UFSP2: variants seen among roughly 807,000 people sequenced by gnomAD.
UFSP2 encodes the protein UFM1 specific peptidase 2, also known as ufm1-specific protease 2.
UFSP2 carries 43 observed loss-of-function variants against 60.2 expected under a neutral mutation model. The ratio of observed to expected loss-of-function variants is 0.71; its 90% confidence interval spans 0.56 to 0.92. UFSP2 has a LOEUF of 0.92. UFSP2 is among the 40% of genes least tolerant of loss of function. The pLI is 0.00. For missense variants in UFSP2, 520 were observed against 575.0 expected (o/e 0.90, Z 0.98); for synonymous variants, 183 against 195.1 (o/e 0.94, Z 0.52).
At chr4:185,417,801 T>C (rs2095541415) in intron 4 of UFSP2, among the ~76,000 whole-genome samples, 1 of 152,156 alleles carries the variant, frequency 6.6e-6, no homozygotes, top group African/African-American at 2.4e-5. Flanking sequence ...CCCAGCACTT[T>C]GGGAGCCTGA....
chr4:185,413,276 T>A (rs577756628), intron 7 of UFSP2, among the ~76,000 whole-genome samples: 150 of 152,278 alleles, frequency 9.9e-4, no homozygotes, highest in Middle Eastern at 3.4e-3. Context: ...TAACCCCAGC[T>A]GCTCAGGAGA....
intron 2 of UFSP2, among the ~76,000 whole-genome samples, chr4:185,420,206 A>G (rs936932442): frequency 6.6e-6 from 1 of 151,904 alleles, no homozygotes; most frequent in Non-Finnish European, 1.5e-5. Flanking sequence ...CTGTATGGTT[A>G]TGTCACCAAC....
rs71593625 is a variant in UFSP2 at position 185,418,047 on chromosome 4, A to ACACACACACACACACACAC, written c.333+393_333+394insGTGTGTGTGTGTGTGTGTG. Reference sequence around the variant, plus strand: ...TAAAAAGAGTGAAACTCCATCTCAAAACACACACACACACACACACAAACA... The same window carrying ACACACACACACACACACAC: ...TAAAAAGAGTGAAACTCCATCTCAAACACACACACACACACACACACACACACACACACACACACAAACA... On this transcript the variant is annotated intron_variant, in intron 4 of 11. Transcript: ENST00000264689. 2.8e-5 allele frequency among the ~76,000 whole-genome samples: 4 copies of ACACACACACACACACACAC among 143,062 alleles called. No individual in the cohort carries two copies. In the East Asian group the frequency reaches 8.1e-4, roughly 29 times the overall value. The allele number at this position is 143,062 out of a possible 152,430, so 93.9% of individuals were successfully genotyped here. A position where few individuals can be genotyped will look rare whatever the true frequency, so the allele number is the denominator to read the frequency against.
chr4:185,404,947 G>A (rs186183278), intron 10 of UFSP2, among the ~76,000 whole-genome samples: 4 of 151,832 alleles, frequency 2.6e-5, no homozygotes, highest in South Asian at 2.1e-4. Flanking sequence ...TACTGGGCCC[G>A]GCCTACTCAT....
chr4:185,408,153 T>A, intron 8 of UFSP2, 93 bp from the exon 9 acceptor site: 1 of 1,544,870 alleles, frequency 6.5e-7, no homozygotes, highest in Non-Finnish European at 8.9e-7. Context: ...GTACAAGAAT[T>A]TTTTTTTCTT....
In UFSP2 at chr4:185,415,632, TACCTACAGGATATACAA is replaced by T. The variant is rs921810650; in HGVS notation, c.491+61_491+77del. 5 of 1,266,316 alleles carry T rather than the reference TACCTACAGGATATACAA, an allele frequency of 3.9e-6. No homozygotes were observed. In the Admixed American group the frequency reaches 1.2e-4, roughly 30 times the overall value. The allele number at this position is 1,266,316 out of a possible 1,614,324, so 78.4% of individuals were successfully genotyped here. A position where few individuals can be genotyped will look rare whatever the true frequency, so the allele number is the denominator to read the frequency against. ...CAAGGAGAAAATCACACCTTAGGTA[TACCTACAGGATATACAA>T]ACATGGGTTTGGGGAAGGGCCCTCA... is the stretch of plus-strand genomic sequence containing the variant. On this transcript the variant is annotated intron_variant, in intron 5 of 11. Coordinates refer to ENST00000264689, the MANE Select transcript of UFSP2 (RefSeq NM_018359.5).
chr4:185,412,050 A>G (rs1018956491), intron 7 of UFSP2, among the ~76,000 whole-genome samples: 14 of 152,200 alleles, frequency 9.2e-5, no homozygotes, highest in African/African-American at 2.9e-4. Context: ...GTGGGTAGGG[A>G]AAGAGCACAG....
chr4:185,418,728 A>ATGAC lies in UFSP2; in HGVS notation c.124_125insGTCA (p.Leu42ArgfsTer5). 1 of 1,612,466 alleles carries ATGAC rather than the reference A, an allele frequency of 6.2e-7. No homozygotes were observed. The highest frequency in any genetic ancestry group is 8.5e-7 in the Non-Finnish European group (1 of 1,179,570). Reference sequence around the variant, plus strand: ...GGCGTTTGAAGACAGCTTAGTTGACAGGTCACTCAACACATGTTTCAGTGC... The same window carrying ATGAC: ...GGCGTTTGAAGACAGCTTAGTTGACATGACGGTCACTCAACACATGTTTCAGTGC... On this transcript the variant is annotated frameshift_variant, in exon 3 of 12. Transcript: ENST00000264689. LOFTEE classifies it high-confidence loss of function.
At chr4:185,407,611 G>C (rs1304540821) in intron 9 of UFSP2, among the ~76,000 whole-genome samples, 2 of 151,992 alleles carry the variant, frequency 1.3e-5, no homozygotes, top group Non-Finnish European at 2.9e-5. Flanking sequence ...TAAAAGATTG[G>C]AGCATAAAGA....
intron 2 of UFSP2, among the ~76,000 whole-genome samples, chr4:185,419,226 G>A (rs1252729036): frequency 6.6e-6 from 1 of 152,024 alleles, no homozygotes; most frequent in Non-Finnish European, 1.5e-5. Flanking sequence ...CCGCCTCCCG[G>A]GTTCACGCCA....
At position 185,399,549 on chromosome 4, in the gene UFSP2, C is replaced by G. The variant is rs1211732719; in HGVS notation, c.*843G>C. On this transcript the variant is annotated 3_prime_UTR_variant, in exon 12 of 12. Transcript: ENST00000264689. ...CTTAAGTTCAATGTTTCATTTCACT[C>G]CGTTTTTATCCTGTTTTCAGTTTAT... 2 of 1,612,222 alleles carry G rather than the reference C, an allele frequency of 1.2e-6. No individual in the cohort carries two copies. The highest frequency in any genetic ancestry group is 1.7e-5 in the Admixed American group (1 of 59,908).
chr4:185,411,162 A>AG (rs1401697666), intron 7 of UFSP2, among the ~76,000 whole-genome samples: 2 of 151,840 alleles, frequency 1.3e-5, no homozygotes, highest in Non-Finnish European at 2.9e-5. Flanking sequence ...AATGATATGA[A>AG]GAATGAAAAA....
chr4:185,415,737 G>C lies in UFSP2; in HGVS notation c.464C>G (p.Ser155Cys). 6.2e-7 allele frequency: 1 copy of C among 1,612,374 alleles called. No homozygotes were observed. Among genetic ancestry groups the C allele is most frequent in the Non-Finnish European group, 8.5e-7 (1 of 1,179,396 alleles). ...TCCCCATGTTTCTTCTGGAGCAACA[G>C]ATATAACTGCATCGACAGGTAAAGT... ...NMTLPVDAVI[S>C]VAPEETWGKV... The change falls in exon 5 of 12, where the codon TCT becomes TGT. Residue 155 changes from serine (S) to cysteine (C), a missense_variant. Transcript: ENST00000264689.
At chr4:185,418,194 G>T (rs1258479575) in intron 4 of UFSP2, among the ~76,000 whole-genome samples, 1 of 152,060 alleles carries the variant, frequency 6.6e-6, no homozygotes. Flanking sequence ...AATGTATTTA[G>T]GCTGTTTTAT....
intron 2 of UFSP2, 125 bp downstream of exon 2, chr4:185,422,360 T>C (rs2095550928): frequency 1.4e-6 from 1 of 730,184 alleles, no homozygotes; most frequent in Admixed American, 2.9e-5. Context: ...CCATTTAATG[T>C]ACTTACTAAC....
At chr4:185,421,374 C>T (rs1434564365) in intron 2 of UFSP2, among the ~76,000 whole-genome samples, 3 of 152,174 alleles carry the variant, frequency 2.0e-5, no homozygotes, top group Non-Finnish European at 4.4e-5. Flanking sequence ...AATGTGATCT[C>T]CAATGTTTGA....
chr4:185,422,515 C>G lies in UFSP2; in HGVS notation c.52G>C (p.Asp18His), dbSNP rs1315632392. 8 of 1,611,476 alleles carry G rather than the reference C, an allele frequency of 5.0e-6. No homozygotes were observed. The highest frequency in any genetic ancestry group is 5.9e-6 in the Non-Finnish European group (7 of 1,179,380). The change falls in exon 2 of 12, where the codon GAT becomes CAT. Residue 18 changes from aspartate (D) to histidine (H), a missense_variant. Coordinates refer to ENST00000264689, the MANE Select transcript of UFSP2 (RefSeq NM_018359.5). ...DILFRIRGGLDLAFQLATPNE... is the reference protein window; with the variant it reads ...DILFRIRGGLHLAFQLATPNE... ...GGAGTAGCTAGCTGAAAAGCCAAAT[C>G]AAGGCCTCCTCTTATTCTGAAGAGT...
chr4:185,405,708 TTAAA>T (rs2095519536), intron 10 of UFSP2, 68 bp downstream of exon 10: 24 of 1,502,132 alleles, frequency 1.6e-5, no homozygotes, highest in Non-Finnish European at 2.1e-5. Context: ...TTATGCAACA[TTAAA>T]TATTTATATC....
intron 7 of UFSP2, among the ~76,000 whole-genome samples, chr4:185,411,758 A>G (rs963478150): frequency 5.3e-5 from 8 of 152,236 alleles, no homozygotes; most frequent in Non-Finnish European, 7.3e-5. Context: ...TTCATTGTCT[A>G]AACAGCAAAA....
Sources: gnomAD v4.1 joint callset for allele counts (sites outside exome capture counted in the v4.1 genomes callset) on GRCh38, gnomAD v4.1.1 for gene constraint, MANE v1.5 for transcripts, NCBI Gene and HGNC (gene_info 2026-07-23, HGNC 2026-07-21) for gene names.